Variants in TAF3 observed in about 807,000 individuals in gnomAD.
TAF3 encodes transcription initiation factor TFIID subunit 3.
Under a neutral mutation model 80.6 loss-of-function variants are expected in TAF3, and 7 were observed. The observed-to-expected ratio is 0.09, with a 90% CI of 0.05 to 0.16. The LOEUF is 0.16. Ranked by LOEUF, TAF3 falls within the 10% of genes least tolerant of loss-of-function variation. The probability of loss-of-function intolerance (pLI) is 1.00; values close to 1 mark genes in which losing one functional copy is unlikely to be tolerated. For synonymous variants in TAF3, 444 were observed against 446.1 expected (o/e 1.00, Z 0.06); for missense variants, 921 against 1,140.2 (o/e 0.81, Z 2.77).
intron 2 of TAF3, among the ~76,000 whole-genome samples, chr10:7,886,760 A>G (rs1175451132): frequency 2.0e-5 from 3 of 152,352 alleles, no homozygotes; most frequent in South Asian, 2.1e-4. Flanking sequence ...TCTGCCTTCA[A>G]GAGAGATGCA....
chr10:7,965,849 A>T, intron 3 of TAF3, 107 bp downstream of exon 3: 1 of 1,372,848 alleles, frequency 7.3e-7, no homozygotes, highest in Non-Finnish European at 9.5e-7. Flanking sequence ...ATCACCCATC[A>T]CTTAAGTGGA....
intron 2 of TAF3, among the ~76,000 whole-genome samples, chr10:7,869,249 G>A (rs1453290983): frequency 6.6e-6 from 1 of 151,244 alleles, no homozygotes; most frequent in Non-Finnish European, 1.5e-5. Context: ...CTTCTACCGT[G>A]TGTGTGTGTG....
At chr10:7,836,399 C>T (rs774321933) in intron 2 of TAF3, among the ~76,000 whole-genome samples, 38 of 151,970 alleles carry the variant, frequency 2.5e-4, no homozygotes, top group African/African-American at 5.1e-4. Context: ...CTCAGCCTCC[C>T]GAGTACCTGG....
intron 2 of TAF3, among the ~76,000 whole-genome samples, chr10:7,826,816 C>T (rs1454265214): frequency 6.6e-6 from 1 of 152,134 alleles, no homozygotes; most frequent in Admixed American, 6.5e-5. Flanking sequence ...TATAACCATA[C>T]AAGACCATTT....
chr10:7,849,345 T>C (rs1423623496), intron 2 of TAF3, among the ~76,000 whole-genome samples: 1 of 152,208 alleles, frequency 6.6e-6, no homozygotes, highest in African/African-American at 2.4e-5. Context: ...ACAAGTGATA[T>C]TCCCGTTTGT....
At chr10:7,865,434 G>A (rs1440305392) in intron 2 of TAF3, among the ~76,000 whole-genome samples, 5 of 152,220 alleles carry the variant, frequency 3.3e-5, no homozygotes, top group African/African-American at 9.6e-5. Context: ...AGCCGAGATC[G>A]CGCCTCTGCA....
chr10:7,913,017 T>C (rs906750224), intron 2 of TAF3, among the ~76,000 whole-genome samples: 2 of 152,176 alleles, frequency 1.3e-5, no homozygotes, highest in African/African-American at 4.8e-5. Flanking sequence ...GCAGGTTTGG[T>C]TTCCCCTGAG....
intron 2 of TAF3, among the ~76,000 whole-genome samples, chr10:7,910,730 A>G (rs1341572875): frequency 1.3e-5 from 2 of 152,120 alleles, no homozygotes; most frequent in South Asian, 4.1e-4. Flanking sequence ...AGCTAAAATT[A>G]TTTTTTCAAG....
chr10:7,818,690 G>A lies in TAF3; in HGVS notation c.-20G>A. ...GGAGAGCAGTGGCAGCAAGGGCTGC[G>A]GTGGCGTCCACGCAGCGGGATGTGC... On this transcript the variant is annotated 5_prime_UTR_variant, in exon 1 of 7. Coordinates refer to ENST00000344293, the MANE Select transcript of TAF3 (RefSeq NM_031923.4). The A allele has an allele frequency of 6.2e-7, 1 of 1,601,010 alleles. No homozygotes were observed. The highest frequency in any genetic ancestry group is 8.5e-7 in the Non-Finnish European group (1 of 1,175,284).
chr10:7,987,820 T>TG (rs1182164409), intron 4 of TAF3, among the ~76,000 whole-genome samples: 2 of 152,148 alleles, frequency 1.3e-5, no homozygotes, highest in South Asian at 2.1e-4. Flanking sequence ...CTTTCTTCTT[T>TG]GGGGGAAGCT....
intron 2 of TAF3, among the ~76,000 whole-genome samples, chr10:7,832,982 G>A (rs543221956): frequency 1.3e-5 from 2 of 152,194 alleles, no homozygotes; most frequent in Admixed American, 6.5e-5. Context: ...GATGATTTGA[G>A]GCCAGGAGTT....
chr10:7,881,444 T>A (rs189328053), intron 2 of TAF3, among the ~76,000 whole-genome samples: 2 of 151,906 alleles, frequency 1.3e-5, no homozygotes, highest in East Asian at 3.9e-4. Context: ...GACAATAGTT[T>A]AATCAAGTAA....
At chr10:7,989,400 C>A (rs1029924527) in intron 4 of TAF3, among the ~76,000 whole-genome samples, 3 of 152,218 alleles carry the variant, frequency 2.0e-5, no homozygotes, top group Non-Finnish European at 4.4e-5. Flanking sequence ...ATGCTGAATG[C>A]TGGAAGCCAT....
At chr10:7,834,471 G>T (rs562992550) in intron 2 of TAF3, among the ~76,000 whole-genome samples, 1 of 151,860 alleles carries the variant, frequency 6.6e-6, no homozygotes, top group East Asian at 1.9e-4. Context: ...ACACAGTCTC[G>T]GTGCTAAGGG....
chr10:7,819,420 T>C (rs531585572), intron 1 of TAF3, among the ~76,000 whole-genome samples: 1 of 152,194 alleles, frequency 6.6e-6, no homozygotes, highest in East Asian at 1.9e-4. Context: ...ACATCTCCAT[T>C]TACTGTTTTT....
intron 4 of TAF3, among the ~76,000 whole-genome samples, chr10:7,990,472 G>A (rs1831823434): frequency 6.6e-6 from 1 of 152,156 alleles, no homozygotes; most frequent in Non-Finnish European, 1.5e-5. Flanking sequence ...CGTGGTCAGG[G>A]TAAATTTTGA....
At chr10:7,864,666 T>C (rs1837191886) in intron 2 of TAF3, among the ~76,000 whole-genome samples, 1 of 152,186 alleles carries the variant, frequency 6.6e-6, no homozygotes, top group Non-Finnish European at 1.5e-5. Context: ...CTTTTTATTA[T>C]TCAGCTGTGA....
intron 2 of TAF3, among the ~76,000 whole-genome samples, chr10:7,862,502 AT>A (rs1837158075): frequency 6.6e-6 from 1 of 151,994 alleles, no homozygotes; most frequent in Non-Finnish European, 1.5e-5. Flanking sequence ...TATTATCTTT[AT>A]TTTTTTCTAC....
At chr10:7,915,078 CTACAG>C (rs1486158235) in intron 2 of TAF3, among the ~76,000 whole-genome samples, 1 of 151,334 alleles carries the variant, frequency 6.6e-6, no homozygotes, top group Non-Finnish European at 1.5e-5. Context: ...GTAGCTGGGA[CTACAG>C]GTGCCTGCCA....
Sources: gnomAD v4.1 joint callset for allele counts (sites outside exome capture counted in the v4.1 genomes callset) on GRCh38, gnomAD v4.1.1 for gene constraint, MANE v1.5 for transcripts, NCBI Gene and HGNC (gene_info 2026-07-23, HGNC 2026-07-21) for gene names.